Variants in EPHA6 observed in about 807,000 individuals in gnomAD.
The protein encoded by EPHA6 is ephrin type-A receptor 6.
In EPHA6, 50 loss-of-function variants were observed where a neutral mutation model predicts 112.0. That is an observed-to-expected ratio of 0.45 (90% CI 0.36 to 0.56). EPHA6 has a LOEUF of 0.56. Ranked by LOEUF, EPHA6 falls within the 20% of genes least tolerant of loss-of-function variation. The probability of loss-of-function intolerance (pLI) is 0.00; values close to 1 mark genes in which losing one functional copy is unlikely to be tolerated. For missense variants in EPHA6, 1,280 were observed against 1,417.4 expected, an observed-to-expected ratio of 0.90 and a Z score of 1.56; for synonymous variants, 529 against 490.7, an observed-to-expected ratio of 1.08 and a Z score of -1.03.
intron 3 of EPHA6, among the ~76,000 whole-genome samples, chr3:97,218,437 C>T (rs759622024): frequency 5.9e-5 from 9 of 152,010 alleles, no homozygotes; most frequent in Non-Finnish European, 8.8e-5. Context: ...ACAATTGTGG[C>T]GGAAGGCAAA....
chr3:97,114,006 A>G (rs1332382500), intron 3 of EPHA6, among the ~76,000 whole-genome samples: 2 of 152,082 alleles, frequency 1.3e-5, no homozygotes, highest in Non-Finnish European at 2.9e-5. Context: ...CTTGGGATAG[A>G]TGGCCAGTTC....
rs141280608 is a variant in EPHA6 at position 96,874,375 on chromosome 3, T to G, written c.450+7486T>G. ...ATCTTAGAAAGGAACTAAAGAAATA[T>G]TCCTTTAGTGTGTCTCTTTTAGAGA... On this transcript the variant is annotated intron_variant, in intron 2 of 17. Coordinates refer to ENST00000389672, the MANE Select transcript of EPHA6 (RefSeq NM_001080448.3). Among the ~76,000 whole-genome samples, 1,302 of 152,246 alleles carry G rather than the reference T, an allele frequency of 8.6e-3. 21 individuals are homozygous for G. The highest frequency in any genetic ancestry group is 0.028 in the African/African-American group (1,151 of 41,558).
Position 97,111,336 on chromosome 3 carries a change from AT to A in EPHA6, c.1115-114920del, listed in dbSNP as rs913182484. ...ATTGTGGTGTTCATTTATTGTGTGA[AT>A]TTTTTTTGCAATTGTATTTGACATG... On this transcript the variant is annotated intron_variant, in intron 3 of 17. Coordinates refer to ENST00000389672, the MANE Select transcript of EPHA6 (RefSeq NM_001080448.3). 3.3e-5 allele frequency among the ~76,000 whole-genome samples: 5 copies of A among 151,912 alleles called. No individual in the cohort carries two copies. The South Asian group carries it at 1.0e-3, about 32-fold the overall frequency.
intron 14 of EPHA6, among the ~76,000 whole-genome samples, chr3:97,703,894 A>ATTTC (rs1373886649): frequency 6.6e-6 from 1 of 152,166 alleles, no homozygotes; most frequent in Admixed American, 6.6e-5. Context: ...TCTGAGTGAA[A>ATTTC]TTTCTTTCTT....
At chr3:97,007,183 G>T (rs529530862) in intron 3 of EPHA6, among the ~76,000 whole-genome samples, 1 of 152,086 alleles carries the variant, frequency 6.6e-6, no homozygotes, top group African/African-American at 2.4e-5. Context: ...TTGTTCATCT[G>T]TCTAGTACTG....
chr3:96,937,879 G>T (rs1332450828), intron 2 of EPHA6, among the ~76,000 whole-genome samples: 6 of 152,074 alleles, frequency 3.9e-5, no homozygotes, highest in African/African-American at 7.3e-5. Context: ...TTTCCCCATT[G>T]CTTATTTTTG....
chr3:96,980,408 T>C (rs1188435694), intron 2 of EPHA6, among the ~76,000 whole-genome samples: 1 of 152,232 alleles, frequency 6.6e-6, no homozygotes, highest in Non-Finnish European at 1.5e-5. Context: ...TCCATTGGTC[T>C]ATATCTCTGT....
intron 5 of EPHA6, among the ~76,000 whole-genome samples, chr3:97,264,518 C>T (rs2108626539): frequency 6.6e-6 from 1 of 152,334 alleles, no homozygotes; most frequent in East Asian, 1.9e-4. Flanking sequence ...AAGAGGGAGC[C>T]ACAGCCCTGG....
At chr3:97,269,720 C>CACTT (rs2079819255) in intron 5 of EPHA6, among the ~76,000 whole-genome samples, 3 of 151,798 alleles carry the variant, frequency 2.0e-5, no homozygotes, top group Non-Finnish European at 4.4e-5. Flanking sequence ...TATAACTTTA[C>CACTT]GCAATGACCT....
At chr3:97,247,223 C>G (rs1162672753) in intron 5 of EPHA6, among the ~76,000 whole-genome samples, 3 of 151,918 alleles carry the variant, frequency 2.0e-5, no homozygotes, top group African/African-American at 4.8e-5. Context: ...TTTACCTTCT[C>G]TGTAGGTTAC....
chr3:97,303,190 T>A, intron 5 of EPHA6, among the ~76,000 whole-genome samples: 1 of 152,084 alleles, frequency 6.6e-6, no homozygotes, highest in East Asian at 1.9e-4. Context: ...GTTAGAAAGA[T>A]ACATATTATA....
intron 11 of EPHA6, among the ~76,000 whole-genome samples, chr3:97,553,133 AAAC>A (rs1471560072): frequency 2.6e-5 from 4 of 152,076 alleles, no homozygotes; most frequent in African/African-American, 9.7e-5. Flanking sequence ...TTCTTAGGAA[AAAC>A]AACAACAAAA....
chr3:97,088,608 T>C (rs2046974617), intron 3 of EPHA6, among the ~76,000 whole-genome samples: 1 of 152,176 alleles, frequency 6.6e-6, no homozygotes, highest in African/African-American at 2.4e-5. Flanking sequence ...ACTTTTGTGT[T>C]TGATGTTTTC....
chr3:97,244,991 C>T (rs990087031), intron 5 of EPHA6, among the ~76,000 whole-genome samples: 17 of 151,948 alleles, frequency 1.1e-4, no homozygotes, highest in Admixed American at 9.2e-4. Context: ...AGAAAAGCTT[C>T]AGAGATTTTT....
At chr3:96,934,027 T>G (rs1166153267) in intron 2 of EPHA6, among the ~76,000 whole-genome samples, 1 of 152,002 alleles carries the variant, frequency 6.6e-6, no homozygotes, top group Admixed American at 6.6e-5. Flanking sequence ...AATTTGATAT[T>G]TATTACAACC....
chr3:97,332,093 G>C (rs184777268), intron 5 of EPHA6, among the ~76,000 whole-genome samples: 8 of 152,030 alleles, frequency 5.3e-5, no homozygotes, highest in African/African-American at 1.2e-4. Flanking sequence ...GGATGCAAGG[G>C]TGGTTCAACA....
chr3:96,985,973 T>C (rs895395759), intron 2 of EPHA6, among the ~76,000 whole-genome samples: 4 of 152,124 alleles, frequency 2.6e-5, no homozygotes, highest in African/African-American at 9.7e-5. Context: ...TATCAACCAA[T>C]AGAACCCTTA....
chr3:97,620,546 AT>A (rs555400829), intron 13 of EPHA6, among the ~76,000 whole-genome samples: 2 of 152,220 alleles, frequency 1.3e-5, no homozygotes, highest in East Asian at 3.9e-4. Context: ...TCCAGCATAT[AT>A]AAGGAACTTA....
At chr3:96,829,976 C>CACACACAT (rs2033944930) in intron 1 of EPHA6, among the ~76,000 whole-genome samples, 1 of 151,634 alleles carries the variant, frequency 6.6e-6, no homozygotes, top group African/African-American at 2.4e-5. Context: ...CACACACACA[C>CACACACAT]ACACACACAC....
Sources: allele counts gnomAD v4.1 joint callset (sites outside exome capture counted in the v4.1 genomes callset), GRCh38; gene constraint gnomAD v4.1.1; transcripts MANE v1.5; gene names NCBI Gene and HGNC (gene_info 2026-07-23, HGNC 2026-07-21).